TENM3: variants seen among roughly 807,000 people sequenced by gnomAD.
The protein encoded by TENM3 is teneurin transmembrane protein 3, also known as teneurin-3.
A neutral mutation model predicts 255.1 loss-of-function variants in TENM3; 63 were observed. The observed-to-expected ratio is 0.25, with a 90% confidence interval of 0.20 to 0.30. TENM3 has a LOEUF of 0.30. Among genes scored for constraint, TENM3 ranks in the 10% least tolerant of loss-of-function variants. The pLI is 1.00. For missense variants in TENM3, 2,929 were observed against 3,461.1 expected (o/e 0.85, Z 3.86); for synonymous variants, 1,306 against 1,322.3 (o/e 0.99, Z 0.27).
At chr4:182,083,484 A>AT in the TENM3 span, among the ~76,000 whole-genome samples, 5 of 152,026 alleles carry the variant, frequency 3.3e-5, no homozygotes, top group Admixed American at 1.3e-4. Context: ...CTAATTTTTT[A>AT]TTTTTTTTCA....
chr4:182,600,979 T>C lies in TENM3; in HGVS notation c.567T>C (p.His189=). ...QSTLQPLPPS[H]KQHSAQHHPS... ...CCCTGCAGCCCTTGCCGCCTTCCCATAAGCAGCACTCTGCACAGCATCATC... is the reference window on the plus strand; with the variant it reads ...CCCTGCAGCCCTTGCCGCCTTCCCACAAGCAGCACTCTGCACAGCATCATC... The change falls in exon 4 of 28, where the codon CAT becomes CAC. Residue 189 remains histidine, a synonymous_variant. Coordinates refer to ENST00000511685, the MANE Select transcript of TENM3 (RefSeq NM_001080477.4). 1.4e-6 allele frequency: 2 copies of C among 1,424,676 alleles called. No homozygotes were observed. The highest frequency in any genetic ancestry group is 1.9e-6 in the Non-Finnish European group (2 of 1,063,830). The allele number at this position is 1,424,676 out of a possible 1,614,324, so 88.3% of individuals were successfully genotyped here.
chr4:182,403,018 CA>C (rs1769310104), intron 3 of TENM3, among the ~76,000 whole-genome samples: 1 of 152,188 alleles, frequency 6.6e-6, no homozygotes, highest in Non-Finnish European at 1.5e-5. Context: ...TCAATTATTT[CA>C]AAATTATTTT....
At chr4:181,701,162 G>A in the TENM3 span, among the ~76,000 whole-genome samples, 3 of 152,134 alleles carry the variant, frequency 2.0e-5, no homozygotes, top group Non-Finnish European at 4.4e-5. Flanking sequence ...AGGTAAGGCA[G>A]GTCAGACTTG....
At chr4:181,810,067 G>A in the TENM3 span, among the ~76,000 whole-genome samples, 1 of 152,084 alleles carries the variant, frequency 6.6e-6, no homozygotes, top group South Asian at 2.1e-4. Context: ...TGCAAAGGTG[G>A]CTCGAGGTAA....
chr4:181,828,277 G>A, the TENM3 span, among the ~76,000 whole-genome samples: 3 of 152,206 alleles, frequency 2.0e-5, no homozygotes, highest in Non-Finnish European at 4.4e-5. Flanking sequence ...CCTGGTGAAT[G>A]GACTCTCTGA....
At chr4:182,600,030 G>A (rs75237049) in intron 3 of TENM3, among the ~76,000 whole-genome samples, 323 of 152,248 alleles carry the variant, frequency 2.1e-3, no homozygotes, top group African/African-American at 7.1e-3. Flanking sequence ...TTAGCTTTAC[G>A]GAATTTTCTA....
intron 12 of TENM3, among the ~76,000 whole-genome samples, chr4:182,705,341 A>G (rs1318585856): frequency 6.6e-6 from 1 of 152,220 alleles, no homozygotes; most frequent in Non-Finnish European, 1.5e-5. Context: ...CTCTACTCCA[A>G]GGACTTCACA....
the TENM3 span, among the ~76,000 whole-genome samples, chr4:181,550,804 G>T: frequency 6.6e-6 from 1 of 152,128 alleles, no homozygotes; most frequent in Non-Finnish European, 1.5e-5. Context: ...CTAAGTAACG[G>T]TCCCATATTT....
In TENM3 at chr4:182,582,503, A is replaced by G. The variant is rs552879635; in HGVS notation, c.512-18421A>G. On this transcript the variant is annotated intron_variant, in intron 3 of 27. Transcript: ENST00000511685. Reference sequence around the variant, plus strand: ...TCATGAGTATAAATTTCTGTTGTGTATTCCACCGGCCTATGTGTGTAGAAT... The same window carrying G: ...TCATGAGTATAAATTTCTGTTGTGTGTTCCACCGGCCTATGTGTGTAGAAT... Among the ~76,000 whole-genome samples the G allele has an allele frequency of 3.3e-5, 5 of 152,006 alleles. No individual in the cohort carries two copies. In the East Asian group the frequency reaches 5.8e-4, roughly 18 times the overall value.
At chr4:182,142,132 T>G (rs1394903806), upstream of TENM3, 1 of 151,272 alleles carries the variant, frequency 6.6e-6, no homozygotes. Context: ...CTTTTTTTTA[T>G]ATAATAATAA....
chr4:181,538,183 CT>C, the TENM3 span, among the ~76,000 whole-genome samples: 6 of 152,110 alleles, frequency 3.9e-5, no homozygotes, highest in Non-Finnish European at 8.8e-5. Flanking sequence ...TAAAAATGCA[CT>C]TTTAATCGGT....
intron 1 of TENM3, among the ~76,000 whole-genome samples, chr4:182,207,962 A>C (rs1754699447): frequency 6.6e-6 from 1 of 152,210 alleles, no homozygotes; most frequent in African/African-American, 2.4e-5. Flanking sequence ...CTGTTGCTGT[A>C]ATTTACAAGA....
the TENM3 span, among the ~76,000 whole-genome samples, chr4:181,701,976 G>C: frequency 6.6e-6 from 1 of 152,130 alleles, no homozygotes; most frequent in Non-Finnish European, 1.5e-5. Flanking sequence ...ATTAGCACAG[G>C]ATCTGTTGAC....
chr4:182,203,533 C>T (rs1754342741), intron 1 of TENM3, among the ~76,000 whole-genome samples: 1 of 152,156 alleles, frequency 6.6e-6, no homozygotes. Context: ...AGTTGGGAGA[C>T]TTGAGTTCCT....
chr4:182,757,327 AAAAAAAAAAAG>A (rs1762816424), intron 22 of TENM3, among the ~76,000 whole-genome samples: 1 of 148,110 alleles, frequency 6.8e-6, no homozygotes, highest in Non-Finnish European at 1.5e-5. Context: ...AAAAAAAAAA[AAAAAAAAAAAG>A]ATCTTCAGGA....
chr4:182,187,725 G>T (rs1170478478), intron 1 of TENM3, among the ~76,000 whole-genome samples: 4 of 152,094 alleles, frequency 2.6e-5, no homozygotes, highest in African/African-American at 9.7e-5. Flanking sequence ...CGTTCTAACA[G>T]CTGTAATATG....
At chr4:182,403,140 A>G (rs1035823130) in intron 3 of TENM3, among the ~76,000 whole-genome samples, 13 of 152,344 alleles carry the variant, frequency 8.5e-5, no homozygotes, top group African/African-American at 3.1e-4. Context: ...TATCTTTCAG[A>G]CACAGTTTGG....
At chr4:182,605,239 C>G (rs774504688) in intron 4 of TENM3, among the ~76,000 whole-genome samples, 2 of 152,144 alleles carry the variant, frequency 1.3e-5, no homozygotes, top group Non-Finnish European at 2.9e-5. Flanking sequence ...ATTAAAGATA[C>G]AACTTCAAGT....
the TENM3 span, among the ~76,000 whole-genome samples, chr4:181,668,338 T>C: frequency 6.6e-6 from 1 of 152,202 alleles, no homozygotes; most frequent in Non-Finnish European, 1.5e-5. Flanking sequence ...GCTCCAGTTT[T>C]ATTCCTGTAT....
Sources: gnomAD v4.1 joint callset for allele counts (sites outside exome capture counted in the v4.1 genomes callset) on GRCh38, gnomAD v4.1.1 for gene constraint, MANE v1.5 for transcripts, NCBI Gene and HGNC (gene_info 2026-07-23, HGNC 2026-07-21) for gene names.